Variants in GSE1 observed in about 807,000 individuals in gnomAD.
GSE1 encodes the protein genetic suppressor element 1.
In GSE1, 32 loss-of-function variants were observed where a neutral mutation model predicts 112.6. The observed-to-expected ratio is 0.28, with a 90% CI of 0.21 to 0.38. GSE1 has a LOEUF of 0.38. Ranked by LOEUF, GSE1 falls within the 10% of genes least tolerant of loss-of-function variation. The pLI, the probability that GSE1 is intolerant of heterozygous loss-of-function variation, is 1.00. For synonymous variants in GSE1, 1,115 were observed against 735.6 expected (o/e 1.52, Z -8.35); for missense variants, 2,348 against 1,699.2 (o/e 1.38, Z -6.71).
intron 1 of GSE1, among the ~76,000 whole-genome samples, chr16:85,597,190 G>A (rs188882293): frequency 6.6e-6 from 1 of 151,328 alleles, no homozygotes; most frequent in African/African-American, 2.4e-5. Flanking sequence ...TGTTGGCCAG[G>A]CTGGTCTCGA....
At chr16:85,246,578 C>A (rs928630738) in intron 1 of GSE1, among the ~76,000 whole-genome samples, 54 of 146,090 alleles carry the variant, frequency 3.7e-4, no homozygotes, top group African/African-American at 1.3e-3. Flanking sequence ...TGTCCCCAGT[C>A]GTCTAATTAT....
intron 2 of GSE1, among the ~76,000 whole-genome samples, chr16:85,518,118 A>G (rs1001132887): frequency 2.0e-5 from 3 of 151,994 alleles, no homozygotes; most frequent in Non-Finnish European, 4.4e-5. Context: ...CCAGGCTATC[A>G]CTGCCCTGCA....
intron 1 of GSE1, among the ~76,000 whole-genome samples, chr16:85,320,468 G>GTTTT (rs1555561576): frequency 1.3e-5 from 2 of 151,780 alleles, no homozygotes; most frequent in South Asian, 2.1e-4. Flanking sequence ...GTTTTGTTTT[G>GTTTT]TTTTTTTGTA....
rs898831443 is a variant in GSE1, at chr16:85,373,725, C to T, written c.2464+16082C>T. Among the ~76,000 whole-genome samples the T allele has an allele frequency of 1.3e-5, 2 of 152,158 alleles. No individual in the cohort carries two copies. The highest frequency in any genetic ancestry group is 1.9e-4 in the East Asian group (1 of 5,152). ...GGTGTGTGGCGGGTGGGTGGAGGGA[C>T]GAAAGGGCGAATGAATGAGCGCTGG... is the stretch of plus-strand genomic sequence containing the variant. On this transcript the variant is annotated intron_variant, in intron 2 of 2. Transcript: ENST00000637419. The surrounding 1 kb of genome is among the most constrained non-coding windows in gnomAD (Gnocchi z 5.1).
chr16:85,331,523 A>ATATG (rs1555563792), intron 1 of GSE1, among the ~76,000 whole-genome samples: 9 of 98,002 alleles, frequency 9.2e-5, no homozygotes, highest in Non-Finnish European at 1.9e-4. Context: ...ATATGTGTAT[A>ATATG]TATGTGTATA....
rs777490886 is a variant in GSE1 at position 85,221,123 on chromosome 16, G to A, written c.2283+49316G>A. On this transcript the variant is annotated intron_variant, in intron 1 of 2. Coordinates refer to the GSE1 transcript ENST00000637419. ...GTCGACCAGACCTCCGAGGTCAAGCGGTGCAGCCCCCGCCCAGAGGCAGGG... is the reference window on the plus strand; with the variant it reads ...GTCGACCAGACCTCCGAGGTCAAGCAGTGCAGCCCCCGCCCAGAGGCAGGG... Among the ~76,000 whole-genome samples, 37 of 152,062 alleles carry A rather than the reference G, an allele frequency of 2.4e-4. No individual in the cohort carries two copies. In the Middle Eastern group the frequency reaches 0.02, roughly 84 times the overall value.
chr16:85,363,718 A>G (rs1468965406), intron 2 of GSE1, among the ~76,000 whole-genome samples: 1 of 149,346 alleles, frequency 6.7e-6, no homozygotes, highest in Non-Finnish European at 1.5e-5. Flanking sequence ...TGTCACCACC[A>G]GTTGCCCTCT....
In GSE1 at chr16:85,467,287, C is replaced by A. The variant is rs191606664; in HGVS notation, c.2464+109644C>A. The stretch of plus-strand genomic sequence containing the variant: ...GTTGTGCGCAAGACACTTGGCCTCT[C>A]TGTGCCTCAGTTTCCTCATCTCTAA... On this transcript the variant is annotated intron_variant, in intron 2 of 2. Coordinates refer to the GSE1 transcript ENST00000637419. Among the ~76,000 whole-genome samples the A allele has an allele frequency of 2.6e-5, 4 of 152,396 alleles. No homozygotes were observed. In the South Asian group the frequency reaches 6.2e-4, roughly 24 times the overall value.
intron 1 of GSE1, among the ~76,000 whole-genome samples, chr16:85,582,742 C>A (rs1481033275): frequency 6.6e-6 from 1 of 152,110 alleles, no homozygotes; most frequent in Non-Finnish European, 1.5e-5. Context: ...TCCTGCACAA[C>A]CCCCCCTCGC....
chr16:85,371,288 C>A (rs1242386916), intron 2 of GSE1, among the ~76,000 whole-genome samples: 1 of 152,178 alleles, frequency 6.6e-6, no homozygotes, highest in African/African-American at 2.4e-5. Flanking sequence ...GGTGAGTCCC[C>A]GGGGATGGCC....
At chr16:85,183,981 T>C (rs2074648827) in intron 1 of GSE1, among the ~76,000 whole-genome samples, 1 of 152,178 alleles carries the variant, frequency 6.6e-6, no homozygotes, top group African/African-American at 2.4e-5. Context: ...TCGGTAATTG[T>C]TCATATTTGT....
Position 85,271,061 on chromosome 16 carries a change from C to A in GSE1, c.2284-86402C>A, listed in dbSNP as rs528008387. 2.0e-4 allele frequency among the ~76,000 whole-genome samples: 30 copies of A among 152,370 alleles called. No individual in the cohort carries two copies. The South Asian group carries it at 6.2e-3, about 32-fold the overall frequency. On this transcript the variant is annotated intron_variant, in intron 1 of 2. Coordinates refer to the GSE1 transcript ENST00000637419. ...AAGGATCTCTTTTTCTAGGTGCTTTCTGTGGCCCAGCAGCCCACCTGGCCT... is the reference window on the plus strand; with the variant it reads ...AAGGATCTCTTTTTCTAGGTGCTTTATGTGGCCCAGCAGCCCACCTGGCCT...
intron 1 of GSE1, among the ~76,000 whole-genome samples, chr16:85,615,062 A>C (rs960767546): frequency 6.6e-6 from 1 of 151,936 alleles, no homozygotes; most frequent in African/African-American, 2.4e-5. Flanking sequence ...TGGAAGGGGG[A>C]ACCCAGGTGA....
Position 85,648,652 on chromosome 16 carries a change from C to G in GSE1, c.327C>G (p.Ile109Met). 6.2e-7 allele frequency: 1 copy of G among 1,600,288 alleles called. No homozygotes were observed. The highest frequency in any genetic ancestry group is 8.5e-7 in the Non-Finnish European group (1 of 1,169,946). ...AGCGCGTGCCCATGGGCCCTATCATCGTCCCCCCTGGGGGCCACAGCGTGC... is the reference window on the plus strand; with the variant it reads ...AGCGCGTGCCCATGGGCCCTATCATGGTCCCCCCTGGGGGCCACAGCGTGC... ...TPKRVPMGPI[I>M]VPPGGHSVPS... The change falls in exon 3 of 16, where the codon ATC becomes ATG. Residue 109 changes from isoleucine (I) to methionine (M), a missense_variant. Transcript: ENST00000253458.
intron 2 of GSE1, among the ~76,000 whole-genome samples, chr16:85,390,642 G>C (rs1359868925): frequency 6.6e-6 from 1 of 151,998 alleles, no homozygotes. Flanking sequence ...TTTTAAATGG[G>C]GTGAGCTTGG....
At chr16:85,671,365 G>A (rs113407262) in intron 15 of GSE1, among the ~76,000 whole-genome samples, 19 of 148,702 alleles carry the variant, frequency 1.3e-4, no homozygotes, top group South Asian at 8.7e-4. Context: ...GCGTGAACCC[G>A]GGAGGCGGAG....
chr16:85,431,568 G>A (rs1428253897), intron 2 of GSE1, among the ~76,000 whole-genome samples: 2 of 152,212 alleles, frequency 1.3e-5, no homozygotes, highest in African/African-American at 2.4e-5. Context: ...CTGGAAAGTC[G>A]CCTCCGGGGT....
intron 14 of GSE1, among the ~76,000 whole-genome samples, chr16:85,670,276 C>G (rs2053223154): frequency 1.3e-5 from 2 of 152,186 alleles, no homozygotes; most frequent in Admixed American, 6.5e-5. Flanking sequence ...TCTTGTCACT[C>G]CAGTGCTGCC....
At chr16:85,509,351 G>A (rs2051655230) in intron 2 of GSE1, among the ~76,000 whole-genome samples, 1 of 152,190 alleles carries the variant, frequency 6.6e-6, no homozygotes. Context: ...GTCTCACTAA[G>A]TTTCTCCTCA....
Sources: gnomAD v4.1 joint callset for allele counts (sites outside exome capture counted in the v4.1 genomes callset) on GRCh38, gnomAD v4.1.1 for gene constraint, Gnocchi (gnomAD v3.1) non-coding constraint, MANE v1.5 for transcripts, NCBI Gene and HGNC (gene_info 2026-07-23, HGNC 2026-07-21) for gene names.